Variants in IVNS1ABP observed in about 807,000 individuals in gnomAD.
IVNS1ABP encodes influenza virus NS1A-binding protein.
Under a neutral mutation model 78.9 loss-of-function variants are expected in IVNS1ABP, and 25 were observed. The observed-to-expected ratio is 0.32, with a 90% CI of 0.23 to 0.44. The LOEUF is 0.44. Among genes scored for constraint, IVNS1ABP ranks in the 20% least tolerant of loss-of-function variants. The probability of loss-of-function intolerance (pLI) is 1.00; values close to 1 mark genes in which losing one functional copy is unlikely to be tolerated. For synonymous variants in IVNS1ABP, 241 were observed against 259.7 expected (o/e 0.93, Z 0.69); for missense variants, 494 against 768.9 (o/e 0.64, Z 4.23).
intron 5 of IVNS1ABP, chr1:185,308,038 T>A: frequency 6.5e-7 from 1 of 1,546,562 alleles, no homozygotes; most frequent in Non-Finnish European, 8.7e-7. Flanking sequence ...TTTAATTTGG[T>A]TGGAGAAAAG....
intron 8 of IVNS1ABP, among the ~76,000 whole-genome samples, chr1:185,302,995 T>C (rs1466309737): frequency 6.6e-6 from 1 of 152,066 alleles, no homozygotes; most frequent in Non-Finnish European, 1.5e-5. Flanking sequence ...AATGCATCTT[T>C]CATATCACTT....
chr1:185,311,616 G>A (rs1214836522), intron 1 of IVNS1ABP, among the ~76,000 whole-genome samples: 1 of 151,210 alleles, frequency 6.6e-6, no homozygotes, highest in African/African-American at 2.4e-5. Context: ...CAAAACAAAT[G>A]TCAATACTGT....
At chr1:185,308,558 T>C (rs759541406) in intron 5 of IVNS1ABP, among the ~76,000 whole-genome samples, 2 of 152,158 alleles carry the variant, frequency 1.3e-5, no homozygotes, top group Non-Finnish European at 2.9e-5. Context: ...AAGGCTGACA[T>C]AGCCACCCTA....
chr1:185,299,900 G>C lies in IVNS1ABP; in HGVS notation c.1502-17C>G. ...GGTGTCTCCCTACAAGAAAAGTCAAGTCAAGATTATTGCTACATCTCCCAG... is the reference window on the plus strand; with the variant it reads ...GGTGTCTCCCTACAAGAAAAGTCAACTCAAGATTATTGCTACATCTCCCAG... On this transcript the variant is annotated splice_polypyrimidine_tract_variant and intron_variant, in intron 13 of 14. Coordinates refer to ENST00000367498, the MANE Select transcript of IVNS1ABP (RefSeq NM_006469.5). 1 of 1,613,046 alleles carries C rather than the reference G, an allele frequency of 6.2e-7. No homozygotes were observed. The highest frequency in any genetic ancestry group is 8.5e-7 in the Non-Finnish European group (1 of 1,179,618).
Position 185,307,809 on chromosome 1 carries a change from CG to C in IVNS1ABP, c.358-148del. 3.4e-6 allele frequency: 4 copies of C among 1,182,238 alleles called. No homozygotes were observed. In the East Asian group the frequency reaches 1.0e-4, roughly 30 times the overall value. 73.2% of individuals were successfully genotyped at this position (1,182,238 alleles called of 1,614,324 possible). A position where few individuals can be genotyped will look rare whatever the true frequency, so the allele number is the denominator to read the frequency against. ...ACAAATGTTAATAGTGGTAATAACA[CG>C]TATACAAATGATAAACATCTAATTA... On this transcript the variant is annotated intron_variant, in intron 5 of 14. Transcript: ENST00000367498.
intron 8 of IVNS1ABP, among the ~76,000 whole-genome samples, chr1:185,302,882 TATGAAG>T (rs983646236): frequency 1.3e-5 from 2 of 152,106 alleles, no homozygotes; most frequent in Non-Finnish European, 2.9e-5. Context: ...GATTAGGAAT[TATGAAG>T]ATAAACCCCA....
Position 185,309,512 on chromosome 1 carries a change from C to G in IVNS1ABP, c.-18-1G>C. 2 of 1,469,878 alleles carry G rather than the reference C, an allele frequency of 1.4e-6. No individual in the cohort carries two copies. Among genetic ancestry groups the G allele is most frequent in the Non-Finnish European group, 1.9e-6 (2 of 1,052,942 alleles). The allele number at this position is 1,469,878 out of a possible 1,614,324, so 91.1% of individuals were successfully genotyped here. Reference sequence around the variant, plus strand: ...GAATCATTTTTCCTTATAAATTTGGCTAGATGATGAAAAGAAAGCTGAGTT... The same window carrying G: ...GAATCATTTTTCCTTATAAATTTGGGTAGATGATGAAAAGAAAGCTGAGTT... On this transcript the variant is annotated splice_acceptor_variant, in intron 2 of 14. Coordinates refer to ENST00000367498, the MANE Select transcript of IVNS1ABP (RefSeq NM_006469.5). LOFTEE classifies it low-confidence loss of function (5UTR_SPLICE).
Position 185,300,099 on chromosome 1 carries a change from G to A in IVNS1ABP, c.1401C>T (p.Ile467=), listed in dbSNP as rs1400487496. 7 of 1,613,236 alleles carry A rather than the reference G, an allele frequency of 4.3e-6. No individual in the cohort carries two copies. Among genetic ancestry groups the A allele is most frequent in the Non-Finnish European group, 5.9e-6 (7 of 1,179,526 alleles). The change falls in exon 13 of 15, where the codon ATC becomes ATT. Residue 467 remains isoleucine, a synonymous_variant. Transcript: ENST00000367498. ...GVCALNGKLY[I]VGGSDPYGQK... is the part of the protein sequence containing the mutation. ...GACCATATGGATCAGAGCCACCAAC[G>A]ATGTATAACTTTCCATTCAGAGCAC...
chr1:185,302,242 C>T (rs1665621034), intron 8 of IVNS1ABP, among the ~76,000 whole-genome samples: 1 of 152,028 alleles, frequency 6.6e-6, no homozygotes, highest in Admixed American at 6.6e-5. Flanking sequence ...TACAGGAATA[C>T]TAAAGAGGGA....
chr1:185,316,050 T>C (rs998178043), intron 1 of IVNS1ABP, among the ~76,000 whole-genome samples: 2 of 152,214 alleles, frequency 1.3e-5, no homozygotes, highest in Non-Finnish European at 2.9e-5. Flanking sequence ...CAAGTTACCC[T>C]AGGTTCAACC....
intron 8 of IVNS1ABP, among the ~76,000 whole-genome samples, chr1:185,303,690 CTCA>C (rs538995494): frequency 2.6e-4 from 40 of 152,088 alleles, no homozygotes; most frequent in Admixed American, 4.6e-4. Context: ...AGATTAATCC[CTCA>C]TCATTTTTTT....
chr1:185,313,327 A>G (rs1191020973), intron 1 of IVNS1ABP, among the ~76,000 whole-genome samples: 5 of 152,304 alleles, frequency 3.3e-5, no homozygotes, highest in East Asian at 1.9e-4. Flanking sequence ...TAGTACATCA[A>G]GGTCATAATA....
chr1:185,308,644 T>C (rs963140289), intron 5 of IVNS1ABP, among the ~76,000 whole-genome samples, 156 bp downstream of exon 5: 2 of 152,168 alleles, frequency 1.3e-5, no homozygotes, highest in Non-Finnish European at 2.9e-5. Context: ...TACATTATTA[T>C]AGCCAAACAG....
intron 8 of IVNS1ABP, among the ~76,000 whole-genome samples, chr1:185,304,268 C>T (rs1436918761): frequency 6.6e-6 from 1 of 152,004 alleles, no homozygotes; most frequent in Non-Finnish European, 1.5e-5. Flanking sequence ...GTTGCCATAC[C>T]GAACATTATG....
intron 1 of IVNS1ABP, among the ~76,000 whole-genome samples, chr1:185,313,940 G>A (rs563756637): frequency 2.6e-5 from 4 of 152,202 alleles, no homozygotes; most frequent in Middle Eastern, 3.4e-3. Context: ...TTCACAGCCC[G>A]GAAAGATTAG....
rs960699389 is a variant in IVNS1ABP at position 185,305,837 on chromosome 1, C to A, written c.658-194G>T. On this transcript the variant is annotated intron_variant, in intron 7 of 14. Transcript: ENST00000367498. This position sits in a 1 kb window ranked among gnomAD's most constrained non-coding sequence, Gnocchi z 4.0. ...AAAATTAAAAAACAAAAACAAAAAACCAAAATCAAATACAAAATCTTCCAA... is the reference window on the plus strand; with the variant it reads ...AAAATTAAAAAACAAAAACAAAAAAACAAAATCAAATACAAAATCTTCCAA... 20 of 575,778 alleles carry A rather than the reference C, an allele frequency of 3.5e-5. No homozygotes were observed. The highest frequency in any genetic ancestry group is 5.5e-5 in the Non-Finnish European group (19 of 344,106). 35.7% of individuals were successfully genotyped at this position (575,778 alleles called of 1,614,324 possible). A position where few individuals can be genotyped will look rare whatever the true frequency, so the allele number is the denominator to read the frequency against.
intron 14 of IVNS1ABP, 62 bp downstream of exon 14, chr1:185,299,648 A>G (rs760115795): frequency 2.0e-6 from 3 of 1,517,378 alleles, no homozygotes. Context: ...CTTTTCTCTC[A>G]GAGTTTTAGA....
At chr1:185,304,179 C>T (rs1189278088) in intron 8 of IVNS1ABP, among the ~76,000 whole-genome samples, 1 of 152,060 alleles carries the variant, frequency 6.6e-6, no homozygotes, top group Non-Finnish European at 1.5e-5. Context: ...CCTTTCGTAG[C>T]TACCTCTTAT....
At chr1:185,300,394 A>G (rs1300985382) in intron 11 of IVNS1ABP, 43 bp downstream of exon 11, 1 of 1,613,360 alleles carries the variant, frequency 6.2e-7, no homozygotes, top group African/African-American at 1.3e-5. Context: ...AGTTACGAGG[A>G]AAAAGCTAAA....
Sources: allele counts gnomAD v4.1 joint callset (sites outside exome capture counted in the v4.1 genomes callset), GRCh38; gene constraint gnomAD v4.1.1; non-coding constraint Gnocchi (gnomAD v3.1); transcripts MANE v1.5; gene names NCBI Gene and HGNC (gene_info 2026-07-23, HGNC 2026-07-21).